Variants in ASAH1 observed in about 807,000 individuals in gnomAD.
The protein encoded by ASAH1 is N-acylsphingosine amidohydrolase 1.
A neutral mutation model predicts 59.5 loss-of-function variants in ASAH1; 70 were observed. The observed-to-expected ratio is 1.18, with a 90% CI of 0.97 to 1.43. The LOEUF (loss-of-function observed/expected upper bound fraction) is 1.43. Among genes scored for constraint, ASAH1 ranks in the 40% most tolerant of loss-of-function variants. The pLI is 0.00. For missense variants in ASAH1, 660 were observed against 482.5 expected, an observed-to-expected ratio of 1.37 and a Z score of -3.45; for synonymous variants, 213 against 166.5, an observed-to-expected ratio of 1.28 and a Z score of -2.15.
At chr8:18,068,393 C>T (rs1290959354) in intron 4 of ASAH1, 1 of 152,332 alleles carries the variant, frequency 6.6e-6, no homozygotes, top group Non-Finnish European at 1.5e-5. Flanking sequence ...TCCTCTTTTG[C>T]TCCTGCCAGC....
chr8:18,084,399 A>G, upstream of ASAH1: 1 of 1,397,318 alleles, frequency 7.2e-7, no homozygotes, highest in Non-Finnish European at 9.3e-7. Flanking sequence ...TGGGGCCGGG[A>G]GCTTCACCCG....
At position 18,062,466 on chromosome 8, in the gene ASAH1, T is replaced by C. The variant is rs780718023; in HGVS notation, c.504-43A>G. 2.2e-5 allele frequency: 35 copies of C among 1,608,522 alleles called. No individual in the cohort carries two copies. The Admixed American group carries it at 4.2e-4, about 19-fold the overall frequency. On this transcript the variant is annotated intron_variant, in intron 7 of 13. Coordinates refer to ENST00000637790, the MANE Select transcript of ASAH1 (RefSeq NM_177924.5). ...CAGTGACATTTCAGAAACACAGTGA[T>C]AGTAATGATCAACATGATGATGAGG...
rs968622176 is a variant in ASAH1 at position 18,084,047 on chromosome 8, C to G, written c.12G>C (p.Arg4=). The change falls in exon 1 of 14, where the codon CGG becomes CGC. Residue 4 remains arginine, a synonymous_variant. Transcript: ENST00000637790. ...CCAGGAGGACTAAGGCGACGCAACT[C>G]CGGCCCGGCATCGCTCTAGCAGCCA... MPG[R]SCVALVLLAA... is the part of the protein sequence containing the mutation. 8.1e-6 allele frequency: 13 copies of G among 1,598,736 alleles called. No homozygotes were observed. Among genetic ancestry groups the G allele is most frequent in the South Asian group, 2.2e-5 (2 of 91,080 alleles).
Position 18,059,344 on chromosome 8 carries a change from T to C in ASAH1, c.1038A>G (p.Gln346=). The C allele has an allele frequency of 1.2e-6, 2 of 1,614,260 alleles. No homozygotes were observed. The highest frequency in any genetic ancestry group is 2.2e-5 in the East Asian group (1 of 44,892). ...ATAGATGACCCTGCAAAGGTACCTC[T>C]TGGCTGGTGCGGTTCAGACACATCT... ...PAKMCLNRTS[Q]ENISFETMYD... The change falls in exon 12 of 14, where the codon CAA becomes CAG. Residue 346 remains glutamine, a synonymous_variant. Coordinates refer to ENST00000637790, the MANE Select transcript of ASAH1 (RefSeq NM_177924.5).
chr8:18,069,693 C>G, intron 4 of ASAH1, 99 bp downstream of exon 4: 1 of 845,738 alleles, frequency 1.2e-6, no homozygotes, highest in Non-Finnish European at 1.9e-6. Context: ...GCAGATTTGC[C>G]CAAGTCCCTG....
chr8:18,063,467 CTACTT>C, intron 6 of ASAH1: 3 of 388,828 alleles, frequency 7.7e-6, no homozygotes, highest in African/African-American at 4.9e-5. Context: ...CCGCACCTGG[CTACTT>C]TTTTTTTTTT....
upstream of ASAH1, chr8:18,084,229 GC>G (rs1800795063): frequency 6.8e-7 from 1 of 1,478,696 alleles, no homozygotes; most frequent in East Asian, 2.5e-5. Flanking sequence ...AGAGGACGGG[GC>G]TTTTCAGTGC....
upstream of ASAH1, chr8:18,084,942 A>G: frequency 2.4e-6 from 3 of 1,272,654 alleles, no homozygotes; most frequent in Non-Finnish European, 3.3e-6. Context: ...TCGCGCGGGT[A>G]GGTGACCGGG....
At chr8:18,084,372 G>A, upstream of ASAH1, 1 of 1,404,920 alleles carries the variant, frequency 7.1e-7, no homozygotes, top group Non-Finnish European at 9.2e-7. Flanking sequence ...GACCGAGCCG[G>A]AGCCCCGCCC....
intron 5 of ASAH1, chr8:18,066,203 A>C (rs932308891): frequency 9.9e-5 from 15 of 152,096 alleles, no homozygotes; most frequent in African/African-American, 2.7e-4. Flanking sequence ...ATAAAAGAGA[A>C]GACTGAGATA....
intron 2 of ASAH1, among the ~76,000 whole-genome samples, chr8:18,073,467 T>C (rs539093763): frequency 2.0e-5 from 3 of 152,322 alleles, no homozygotes; most frequent in East Asian, 3.9e-4. Flanking sequence ...CATGGCTACC[T>C]AGGTGGCATG....
chr8:18,061,522 C>G (rs61108931), intron 9 of ASAH1, 64 bp from the exon 10 acceptor site: 2 of 1,477,714 alleles, frequency 1.4e-6, no homozygotes, highest in Non-Finnish European at 1.9e-6. Context: ...AGTCAGGACC[C>G]GGAAGAGGCT....
At chr8:18,061,498 G>A (rs749283389) in intron 9 of ASAH1, 40 bp from the exon 10 acceptor site, 12 of 1,552,464 alleles carry the variant, frequency 7.7e-6, no homozygotes, top group Middle Eastern at 1.7e-4. Context: ...CGGAAGAGGT[G>A]ACACTATGTA....
chr8:18,067,410 T>A, intron 4 of ASAH1, 112 bp from the exon 5 acceptor site: 1 of 662,302 alleles, frequency 1.5e-6, no homozygotes, highest in Non-Finnish European at 2.1e-6. Flanking sequence ...TTCTTGGACA[T>A]ATAATTTTTT....
chr8:18,059,886 G>T, intron 10 of ASAH1, 183 bp from the exon 11 acceptor site: 1 of 573,208 alleles, frequency 1.7e-6, no homozygotes, highest in Non-Finnish European at 3.0e-6. Flanking sequence ...TAAGTTTCAA[G>T]CCCTACATGC....
Position 18,080,222 on chromosome 8 carries a change from C to T in ASAH1, c.78+3759G>A, listed in dbSNP as rs138288912. On this transcript the variant is annotated intron_variant, in intron 1 of 13. Transcript: ENST00000637790. ...AGCTAATGTCAACAATGTTGACATA[C>T]GCTGTTAACTAGTATGAGAAGCTGA... is the stretch of plus-strand genomic sequence containing the variant. Among the ~76,000 whole-genome samples, 9 of 152,310 alleles carry T rather than the reference C, an allele frequency of 5.9e-5. No homozygotes were observed. The South Asian group carries it at 6.2e-4, about 11-fold the overall frequency.
chr8:18,062,309 G>A lies in ASAH1; in HGVS notation c.618C>T (p.Gly206=), dbSNP rs1209237202. Residue 206 remains glycine (G), a synonymous_variant, in exon 8 of 14, where the codon GGC becomes GGT. Transcript: ENST00000637790. ...KTVFKASSFA[G]YVGMLTGFKP... is the part of the protein sequence containing the mutation. ...TGAATCCTGTTAACATGCCCACATAGCCAGCAAAGCTTGAAGCCTTGAAGA... is the reference window on the plus strand; with the variant it reads ...TGAATCCTGTTAACATGCCCACATAACCAGCAAAGCTTGAAGCCTTGAAGA... The A allele has an allele frequency of 3.1e-6, 5 of 1,614,068 alleles. No homozygotes were observed. Among genetic ancestry groups the A allele is most frequent in the Admixed American group, 1.7e-5 (1 of 60,004 alleles).
chr8:18,064,430 G>GGGGGGGGT, intron 6 of ASAH1, 27 bp downstream of exon 6: 2 of 1,489,362 alleles, frequency 1.3e-6, no homozygotes, highest in Non-Finnish European at 1.9e-6. Flanking sequence ...GCTTCATGCT[G>GGGGGGGGT]CCCACCCTCC....
chr8:18,057,422 A>G lies in ASAH1; in HGVS notation c.*112T>C. 2 of 762,330 alleles carry G rather than the reference A, an allele frequency of 2.6e-6. No individual in the cohort carries two copies. Among genetic ancestry groups the G allele is most frequent in the Non-Finnish European group, 4.4e-6 (2 of 451,084 alleles). 47.2% of individuals were successfully genotyped at this position (762,330 alleles called of 1,614,324 possible). A position where few individuals can be genotyped will look rare whatever the true frequency, so the allele number is the denominator to read the frequency against. ...ACGAAGACAAGCTATTGACTCAAAG[A>G]GAACCTGCCGCGAGTCTTAGTCTTT... On this transcript the variant is annotated 3_prime_UTR_variant, in exon 14 of 14. Transcript: ENST00000637790.
Sources: allele counts gnomAD v4.1 joint callset (sites outside exome capture counted in the v4.1 genomes callset), GRCh38; gene constraint gnomAD v4.1.1; transcripts MANE v1.5; gene names NCBI Gene and HGNC (gene_info 2026-07-23, HGNC 2026-07-21).